PINX1: variants seen among roughly 807,000 people sequenced by gnomAD.
The protein encoded by PINX1 is PIN2 (TERF1) interacting telomerase inhibitor 1.
In PINX1, 34 loss-of-function variants were observed where a neutral mutation model predicts 25.4. That is an observed-to-expected ratio of 1.34 (90% CI 1.02 to 1.78). PINX1 has a LOEUF of 1.78. Ranked by LOEUF, PINX1 falls within the 40% of genes most tolerant of loss-of-function variation. The pLI is 0.00. For synonymous variants in PINX1, 197 were observed against 147.7 expected (o/e 1.33, Z -2.42); for missense variants, 592 against 404.9 (o/e 1.46, Z -3.97).
chr8:10,836,214 A>T (rs1798402266), intron 1 of PINX1, among the ~76,000 whole-genome samples: 1 of 152,218 alleles, frequency 6.6e-6, no homozygotes, highest in Non-Finnish European at 1.5e-5. Flanking sequence ...AATCCTTTAC[A>T]AATACACAGG....
intron 6 of PINX1, among the ~76,000 whole-genome samples, chr8:10,776,450 C>T (rs28564979): frequency 0.47 from 46,138 of 98,128 alleles, 7,324 homozygotes; most frequent in African/African-American, 0.55. Flanking sequence ...AATAAATAAA[C>T]AAACAAACAA....
chr8:10,793,037 C>T (rs1049331792), intron 6 of PINX1, among the ~76,000 whole-genome samples: 4 of 152,076 alleles, frequency 2.6e-5, no homozygotes, highest in Non-Finnish European at 4.4e-5. Flanking sequence ...ACGTGTTTCC[C>T]GGCGTGCCAT....
At chr8:10,771,753 G>T (rs1801230046) in intron 6 of PINX1, among the ~76,000 whole-genome samples, 1 of 152,176 alleles carries the variant, frequency 6.6e-6, no homozygotes, top group African/African-American at 2.4e-5. Flanking sequence ...AAGGGGTGTG[G>T]GAGGGTAAGA....
chr8:10,837,077 A>G (rs1798427608), intron 1 of PINX1, among the ~76,000 whole-genome samples: 1 of 152,172 alleles, frequency 6.6e-6, no homozygotes, highest in Non-Finnish European at 1.5e-5. Flanking sequence ...ATAACAGGGA[A>G]CTCAAGGGTT....
At chr8:10,835,686 G>C (rs929088238) in intron 1 of PINX1, among the ~76,000 whole-genome samples, 1 of 151,898 alleles carries the variant, frequency 6.6e-6, no homozygotes, top group Non-Finnish European at 1.5e-5. Context: ...AGGCTTCATT[G>C]CAAGAAGTAA....
intron 6 of PINX1, among the ~76,000 whole-genome samples, chr8:10,783,947 C>G (rs573865066): frequency 5.9e-5 from 9 of 152,286 alleles, no homozygotes; most frequent in African/African-American, 2.2e-4. Context: ...AACTTCAACT[C>G]AAAGACAGCT....
rs17855458 is a variant in PINX1 at position 10,765,744 on chromosome 8, C to A, written c.644G>T (p.Arg215Ile). The change falls in exon 7 of 7, where the codon AGA becomes ATA. Residue 215 changes from arginine to isoleucine, a missense_variant. Arg to Ile is a moderately conservative substitution (Grantham distance 97). Transcript: ENST00000314787. ...TQVERKRGKKRNKEATGKDVE... is the reference protein window; with the variant it reads ...TQVERKRGKKINKEATGKDVE... ...ATCTTTACCTGTGGCCTCTTTATTT[C>A]TTTTCTTCCCCCTTTTACGTTCCAC... 0.014 allele frequency: 22,022 copies of A among 1,613,990 alleles called. 266 individuals are homozygous for A. Among genetic ancestry groups the A allele is most frequent in the South Asian group, 0.039 (3,559 of 91,082 alleles).
chr8:10,830,343 G>A (rs1798191234), intron 4 of PINX1, among the ~76,000 whole-genome samples: 1 of 152,110 alleles, frequency 6.6e-6, no homozygotes, highest in African/African-American at 2.4e-5. Context: ...ACACGTCACT[G>A]CAATAAACCT....
intron 6 of PINX1, among the ~76,000 whole-genome samples, chr8:10,815,618 C>G (rs1000568753): frequency 2.6e-5 from 4 of 152,252 alleles, no homozygotes; most frequent in African/African-American, 9.6e-5. Context: ...GTTTTGCATG[C>G]AATTTAAAGG....
At chr8:10,802,936 A>G (rs1802316023) in intron 6 of PINX1, among the ~76,000 whole-genome samples, 1 of 152,230 alleles carries the variant, frequency 6.6e-6, no homozygotes, top group African/African-American at 2.4e-5. Flanking sequence ...ATAAACTAGG[A>G]CATATGAGGG....
chr8:10,797,989 G>T (rs974432830), intron 6 of PINX1, among the ~76,000 whole-genome samples: 1 of 152,140 alleles, frequency 6.6e-6, no homozygotes, highest in Non-Finnish European at 1.5e-5. Flanking sequence ...CAGAAATAAA[G>T]CAAGTATTCT....
chr8:10,835,281 C>T (rs1170017060), intron 1 of PINX1, among the ~76,000 whole-genome samples: 1 of 152,206 alleles, frequency 6.6e-6, no homozygotes, highest in African/African-American at 2.4e-5. Context: ...TTTCACAGTA[C>T]CCCAACGAGT....
chr8:10,797,210 G>A (rs201675404), intron 6 of PINX1, among the ~76,000 whole-genome samples: 1 of 152,216 alleles, frequency 6.6e-6, no homozygotes, highest in African/African-American at 2.4e-5. Flanking sequence ...TTTAACCTTT[G>A]TCAGCTTCCT....
In PINX1 at chr8:10,808,624, C is replaced by T. The variant is rs542251659; in HGVS notation, c.471+11569G>A. ...AGAGGTTACATAGCGTGTCCAGTAG[C>T]GCAGTGCTAGCAACTGATAGAGCCA... On this transcript the variant is annotated intron_variant, in intron 6 of 6. Coordinates refer to ENST00000314787, the MANE Select transcript of PINX1 (RefSeq NM_017884.6). Among the ~76,000 whole-genome samples the T allele has an allele frequency of 3.9e-5, 6 of 152,246 alleles. No individual in the cohort carries two copies. The East Asian group carries it at 5.8e-4, about 15-fold the overall frequency.
chr8:10,837,623 A>G lies in PINX1; in HGVS notation c.19+2115T>C, dbSNP rs184035559. On this transcript the variant is annotated intron_variant, in intron 1 of 6. Transcript: ENST00000314787. ...AGAATCACTATTTGGGAAGTATTTAACCATCCTCTAGCAGGTACTCCTATG... is the reference window on the plus strand; with the variant it reads ...AGAATCACTATTTGGGAAGTATTTAGCCATCCTCTAGCAGGTACTCCTATG... Among the ~76,000 whole-genome samples the G allele has an allele frequency of 2.6e-3, 400 of 152,316 alleles. 5 individuals are homozygous for G. Among genetic ancestry groups the G allele is most frequent in the African/African-American group, 9.2e-3 (382 of 41,560 alleles).
intron 2 of PINX1, among the ~76,000 whole-genome samples, chr8:10,834,161 G>T (rs1356499474): frequency 6.6e-6 from 1 of 152,212 alleles, no homozygotes; most frequent in Non-Finnish European, 1.5e-5. Flanking sequence ...AGAAGAGACA[G>T]CAACAAATTT....
chr8:10,829,305 A>AAAAAG (rs1798152737), intron 4 of PINX1, among the ~76,000 whole-genome samples: 1 of 148,998 alleles, frequency 6.7e-6, no homozygotes, highest in Non-Finnish European at 1.5e-5. Flanking sequence ...AAAAAAAAAA[A>AAAAAG]GAGAGAGAGA....
At chr8:10,792,473 C>T (rs1276583448) in intron 6 of PINX1, among the ~76,000 whole-genome samples, 1 of 152,088 alleles carries the variant, frequency 6.6e-6, no homozygotes, top group Non-Finnish European at 1.5e-5. Flanking sequence ...TGACGCTGTG[C>T]GCTCCCTGAA....
chr8:10,800,907 G>A (rs1464755280), intron 6 of PINX1, among the ~76,000 whole-genome samples: 1 of 152,228 alleles, frequency 6.6e-6, no homozygotes, highest in Non-Finnish European at 1.5e-5. Context: ...ACTGAAGCAT[G>A]CAGATGACAA....
Sources: allele counts gnomAD v4.1 joint callset (sites outside exome capture counted in the v4.1 genomes callset), GRCh38; gene constraint gnomAD v4.1.1; transcripts MANE v1.5; gene names NCBI Gene and HGNC (gene_info 2026-07-23, HGNC 2026-07-21).